Variants in TEX29 observed in about 807,000 individuals in gnomAD.
TEX29 encodes testis expressed 29, also known as testis-expressed protein 29.
In TEX29, 26 loss-of-function variants were observed where a neutral mutation model predicts 18.2. The observed-to-expected ratio is 1.43, with a 90% CI of 1.04 to 1.98. TEX29 has a LOEUF of 1.98. Ranked by LOEUF, TEX29 falls within the 30% of genes most tolerant of loss-of-function variation. The probability of loss-of-function intolerance (pLI) is 0.00; values close to 1 mark genes in which losing one functional copy is unlikely to be tolerated. For synonymous variants in TEX29, 83 were observed against 78.5 expected, an observed-to-expected ratio of 1.06 and a Z score of -0.31; for missense variants, 177 against 194.2, an observed-to-expected ratio of 0.91 and a Z score of 0.53.
intron 3 of TEX29, among the ~76,000 whole-genome samples, chr13:111,336,636 T>C (rs2093689999): frequency 6.6e-6 from 1 of 152,262 alleles, no homozygotes; most frequent in African/African-American, 2.4e-5. Flanking sequence ...AGTTTCTTCA[T>C]GGGACTTGCT....
At chr13:111,339,748 TG>T in intron 3 of TEX29, 114 bp from the exon 4 acceptor site, 1 of 956,680 alleles carries the variant, frequency 1.0e-6, no homozygotes, top group Non-Finnish European at 1.6e-6. Context: ...GTGCTGACCA[TG>T]GGCAGCCGCG....
intron 2 of TEX29, among the ~76,000 whole-genome samples, chr13:111,324,609 G>A (rs879775906): frequency 1.1e-4 from 17 of 149,688 alleles, no homozygotes; most frequent in East Asian, 5.8e-4. Context: ...GCAAGTGTGC[G>A]TTTCACAGAG....
intron 2 of TEX29, among the ~76,000 whole-genome samples, chr13:111,327,363 C>A (rs2093675768): frequency 6.6e-6 from 1 of 152,216 alleles, no homozygotes; most frequent in African/African-American, 2.4e-5. Flanking sequence ...GGCCGGGCAG[C>A]TCCCCTCCCG....
At chr13:111,331,912 AT>A (rs1297022657) in intron 3 of TEX29, among the ~76,000 whole-genome samples, 1 of 152,210 alleles carries the variant, frequency 6.6e-6, no homozygotes, top group African/African-American at 2.4e-5. Context: ...GTTCATCTAT[AT>A]GTCTATCCTT....
chr13:111,343,274 G>A (rs1198629742), intron 5 of TEX29, among the ~76,000 whole-genome samples: 1 of 152,130 alleles, frequency 6.6e-6, no homozygotes, highest in Non-Finnish European at 1.5e-5. Flanking sequence ...ATTTGATCAG[G>A]TGACTTCCTG....
Position 111,325,349 on chromosome 13 carries a change from G to C in TEX29, c.59-2834G>C, listed in dbSNP as rs554570414. On this transcript the variant is annotated intron_variant, in intron 2 of 5. Coordinates refer to ENST00000283547, the MANE Select transcript of TEX29 (RefSeq NM_152324.3). The stretch of plus-strand genomic sequence containing the variant: ...TCCAGCCGTCCTGGCTGTGGTGTGG[G>C]GGGTGTGGAGGGCCTACTGGAGATA... 5.3e-5 allele frequency among the ~76,000 whole-genome samples: 8 copies of C among 152,376 alleles called. No homozygotes were observed. The South Asian group carries it at 1.7e-3, about 32-fold the overall frequency.
At chr13:111,335,255 G>T (rs1300010228) in intron 3 of TEX29, among the ~76,000 whole-genome samples, 1 of 152,176 alleles carries the variant, frequency 6.6e-6, no homozygotes, top group African/African-American at 2.4e-5. Flanking sequence ...ACAAGATGTA[G>T]TGCTTTTTCC....
intron 3 of TEX29, among the ~76,000 whole-genome samples, chr13:111,329,809 C>T (rs1010954598): frequency 7.2e-5 from 11 of 152,116 alleles, no homozygotes; most frequent in Non-Finnish European, 1.6e-4. Flanking sequence ...AGCCACAGCC[C>T]ACCTGGAGCG....
At chr13:111,337,755 T>A (rs987524110) in intron 3 of TEX29, among the ~76,000 whole-genome samples, 6 of 152,074 alleles carry the variant, frequency 3.9e-5, no homozygotes, top group African/African-American at 1.2e-4. Context: ...GGCAGCTGAT[T>A]GGAAGAATGT....
In TEX29 at chr13:111,333,780, GGAA is replaced by G. The variant is rs535024237; in HGVS notation, c.169+5489_169+5491del. Among the ~76,000 whole-genome samples, 582 of 151,758 alleles carry G rather than the reference GGAA, an allele frequency of 3.8e-3. 10 individuals are homozygous for G. Among genetic ancestry groups the G allele is most frequent in the African/African-American group, 0.013 (521 of 41,048 alleles). ...TGTCTTACGTGGCAGCAAGGTTGTGGGAAGGGAACTGCCAAACACTTTTAAACC... is the reference window on the plus strand; with the variant it reads ...TGTCTTACGTGGCAGCAAGGTTGTGGGGGAACTGCCAAACACTTTTAAACC... On this transcript the variant is annotated intron_variant, in intron 3 of 5. Transcript: ENST00000283547.
chr13:111,332,989 G>A (rs1217231258), intron 3 of TEX29, among the ~76,000 whole-genome samples: 1 of 152,178 alleles, frequency 6.6e-6, no homozygotes, highest in African/African-American at 2.4e-5. Context: ...CAATTTTGAA[G>A]CATAGAGTTG....
chr13:111,322,615 G>C (rs898463813), intron 2 of TEX29, among the ~76,000 whole-genome samples: 16 of 152,308 alleles, frequency 1.1e-4, no homozygotes, highest in Admixed American at 3.3e-4. Flanking sequence ...AGCTGACCCT[G>C]GGCTGGAGTC....
At chr13:111,339,171 C>G (rs1479630520) in intron 3 of TEX29, 4 of 440,686 alleles carry the variant, frequency 9.1e-6, no homozygotes, top group South Asian at 1.6e-5. Context: ...GGAGGCTTGA[C>G]TTTTGCTGAG....
chr13:111,325,447 G>C (rs1444766181), intron 2 of TEX29, among the ~76,000 whole-genome samples: 1 of 152,168 alleles, frequency 6.6e-6, no homozygotes, highest in African/African-American at 2.4e-5. Flanking sequence ...TTTCTAGAGG[G>C]AGCAGGGAGC....
intron 4 of TEX29, 117 bp downstream of exon 4, chr13:111,340,049 C>T (rs964159740): frequency 6.5e-6 from 6 of 916,936 alleles, no homozygotes; most frequent in Non-Finnish European, 1.1e-5. Flanking sequence ...TGACTGAGAA[C>T]AGCTCTCCGT....
upstream of TEX29, chr13:111,320,550 C>G (rs2093662200): frequency 5.1e-6 from 2 of 395,600 alleles, no homozygotes; most frequent in Non-Finnish European, 9.4e-6. Flanking sequence ...GCACACGGCT[C>G]CGAAGTCCTG....
At chr13:111,335,230 CAGTT>C (rs574648449) in intron 3 of TEX29, among the ~76,000 whole-genome samples, 60 of 152,286 alleles carry the variant, frequency 3.9e-4, no homozygotes, top group Non-Finnish European at 7.6e-4. Flanking sequence ...TGTACATAAT[CAGTT>C]AGTGAGAGTT....
chr13:111,339,587 G>C (rs990368733), intron 3 of TEX29: 6 of 546,340 alleles, frequency 1.1e-5, no homozygotes, highest in Non-Finnish European at 1.6e-5. Context: ...ATGCACTCCC[G>C]GGGGTCAGGG....
At chr13:111,323,453 T>C (rs2244646) in intron 2 of TEX29, among the ~76,000 whole-genome samples, 151,770 of 152,348 alleles carry the variant, frequency 1, 75,601 homozygotes, top group Middle Eastern at 1. Context: ...TTAATGTCAA[T>C]TCTCTCCCTA....
Sources: allele counts gnomAD v4.1 joint callset (sites outside exome capture counted in the v4.1 genomes callset), GRCh38; gene constraint gnomAD v4.1.1; transcripts MANE v1.5; gene names NCBI Gene and HGNC (gene_info 2026-07-23, HGNC 2026-07-21).